PGBD5: variants seen among roughly 807,000 people sequenced by gnomAD.
PGBD5 encodes piggyBac transposable element-derived protein 5.
PGBD5 carries 14 observed loss-of-function variants against 47.9 expected under a neutral mutation model. That is an observed-to-expected ratio of 0.29 (90% CI 0.19 to 0.46). PGBD5 has a LOEUF of 0.46. Among genes scored for constraint, PGBD5 ranks in the 20% least tolerant of loss-of-function variants. PGBD5 has a pLI of 1.00. For missense variants in PGBD5, 635 were observed against 716.0 expected, an observed-to-expected ratio of 0.89 and a Z score of 1.29; for synonymous variants, 316 against 306.3, an observed-to-expected ratio of 1.03 and a Z score of -0.33.
chr1:230,343,561 T>C (rs1341850276), intron 3 of PGBD5, among the ~76,000 whole-genome samples: 1 of 152,184 alleles, frequency 6.6e-6, no homozygotes, highest in Non-Finnish European at 1.5e-5. Flanking sequence ...CCTCAGCCAA[T>C]CCCATCCTCA....
intron 5 of PGBD5, among the ~76,000 whole-genome samples, chr1:230,327,382 A>G (rs12141113): frequency 0.035 from 5,310 of 152,230 alleles, 119 homozygotes; most frequent in South Asian, 0.067. Flanking sequence ...GTGGCTGAGG[A>G]GACCAGGGTC....
At chr1:230,334,294 A>AT (rs565961892) in intron 4 of PGBD5, among the ~76,000 whole-genome samples, 132 of 152,262 alleles carry the variant, frequency 8.7e-4, no homozygotes, top group Non-Finnish European at 1.4e-3. Flanking sequence ...TCATCTAGAG[A>AT]TGTAAAAAGG....
intron 5 of PGBD5, among the ~76,000 whole-genome samples, chr1:230,330,939 G>A (rs1667203692): frequency 6.6e-6 from 1 of 152,104 alleles, no homozygotes; most frequent in African/African-American, 2.4e-5. Context: ...TGCTCCTTTG[G>A]TGTCTGCTTT....
intron 1 of PGBD5, among the ~76,000 whole-genome samples, chr1:230,401,909 G>C (rs975669424): frequency 4.6e-5 from 7 of 152,196 alleles, no homozygotes; most frequent in Non-Finnish European, 1.0e-4. Flanking sequence ...GGAGAGGCAA[G>C]GCTGCTGGCC....
At chr1:230,381,583 TAGC>T (rs1656495099) in intron 1 of PGBD5, among the ~76,000 whole-genome samples, 1 of 152,248 alleles carries the variant, frequency 6.6e-6, no homozygotes, top group Non-Finnish European at 1.5e-5. Context: ...CCCAGGCACT[TAGC>T]AGTGGGATGA....
rs1055699355 is a variant in PGBD5 at position 230,332,185 on chromosome 1, C to T, written c.1273+659G>A. 2.4e-4 allele frequency among the ~76,000 whole-genome samples: 36 copies of T among 152,198 alleles called. 1 individual carries two copies. Among genetic ancestry groups the T allele is most frequent in the Admixed American group, 6.5e-5 (1 of 15,288 alleles). ...AGAGGCCTTTGTTTTCTACCTCATT[C>T]GTCGTCATTTGTCTTGAGGAAAGCC... is the stretch of plus-strand genomic sequence containing the variant. On this transcript the variant is annotated intron_variant, in intron 5 of 6. Coordinates refer to ENST00000391860, the MANE Select transcript of PGBD5 (RefSeq NM_001258311.2).
At chr1:230,397,941 C>G (rs1210458915) in intron 1 of PGBD5, among the ~76,000 whole-genome samples, 2 of 152,246 alleles carry the variant, frequency 1.3e-5, no homozygotes, top group Admixed American at 1.3e-4. Flanking sequence ...AAGCTATCAC[C>G]ACCCAACTGG....
At chr1:230,364,628 T>C (rs1667798298) in intron 1 of PGBD5, among the ~76,000 whole-genome samples, 3 of 132,998 alleles carry the variant, frequency 2.3e-5, no homozygotes, top group Non-Finnish European at 5.2e-5. Context: ...GCAAAGAAGT[T>C]AGCAATAAAA....
chr1:230,367,013 T>C (rs1364513773), intron 1 of PGBD5, among the ~76,000 whole-genome samples: 1 of 151,914 alleles, frequency 6.6e-6, no homozygotes, highest in East Asian at 1.9e-4. Context: ...AGGAGGAAGG[T>C]GGGGGTGAGG....
intron 1 of PGBD5, among the ~76,000 whole-genome samples, chr1:230,361,274 G>C (rs1163684907): frequency 1.3e-5 from 2 of 152,144 alleles, no homozygotes; most frequent in Admixed American, 1.3e-4. Context: ...AACCTATGTG[G>C]GTTTAAAAAA....
At chr1:230,422,132 C>T (rs1235809272) in intron 1 of PGBD5, among the ~76,000 whole-genome samples, 1 of 151,542 alleles carries the variant, frequency 6.6e-6, no homozygotes, top group African/African-American at 2.4e-5. Flanking sequence ...ATATATTTTT[C>T]CCTCTCTCTC....
chr1:230,351,272 A>G (rs542590508), intron 2 of PGBD5, among the ~76,000 whole-genome samples, 180 bp from the exon 3 acceptor site: 1 of 152,250 alleles, frequency 6.6e-6, no homozygotes, highest in Non-Finnish European at 1.5e-5. Flanking sequence ...TATCTATACT[A>G]CTGTTTCCAG....
At position 230,357,699 on chromosome 1, in the gene PGBD5, G is replaced by A. The variant is rs41494754; in HGVS notation, c.332-378C>T. 0.027 allele frequency among the ~76,000 whole-genome samples: 4,171 copies of A among 152,276 alleles called. 133 individuals carry two copies. Among genetic ancestry groups the A allele is most frequent in the African/African-American group, 0.082 (3,420 of 41,542 alleles). ...GTGGAATCCCTGCTCTCCAGAACCC[G>A]TGTGGCACAGGGTGTCGGTCTAGGG... On this transcript the variant is annotated intron_variant, in intron 1 of 6. Transcript: ENST00000391860. This position sits in a 1 kb window ranked among gnomAD's most constrained non-coding sequence, Gnocchi z 5.7.
At chr1:230,356,847 A>C in intron 2 of PGBD5, 47 bp downstream of exon 2, 1 of 1,575,270 alleles carries the variant, frequency 6.3e-7, no homozygotes, top group Non-Finnish European at 8.6e-7. Context: ...CTAGGCCGAG[A>C]GAGCGAGGAC....
rs773136056 is a variant in PGBD5 at position 230,357,269 on chromosome 1, G to A, written c.384C>T (p.Leu128=). The change falls in exon 2 of 7, where the codon CTC becomes CTT. Residue 128 remains leucine, a synonymous_variant. Transcript: ENST00000391860. The surrounding 1 kb of genome is among the most constrained non-coding windows in gnomAD (Gnocchi z 5.7). ...PSASAVDFFQ[L]FVPDNVLKNM... The stretch of plus-strand genomic sequence containing the variant: ...TCTTGAGGACGTTGTCTGGGACAAA[G>A]AGCTGGAAGAAGTCCACGGCACTGG... 3.7e-6 allele frequency: 6 copies of A among 1,614,140 alleles called. No homozygotes were observed. In the South Asian group the frequency reaches 4.4e-5, roughly 12 times the overall value.
intron 3 of PGBD5, among the ~76,000 whole-genome samples, chr1:230,338,399 C>T (rs1458159766): frequency 6.6e-6 from 1 of 152,210 alleles, no homozygotes; most frequent in African/African-American, 2.4e-5. Flanking sequence ...TTCCTTACGG[C>T]TGCAGGACTG....
At chr1:230,365,865 A>T (rs2102713094) in intron 1 of PGBD5, among the ~76,000 whole-genome samples, 1 of 152,394 alleles carries the variant, frequency 6.6e-6, no homozygotes, top group South Asian at 2.1e-4. Context: ...GGCAGAGATC[A>T]GGTCATGTAT....
At chr1:230,325,095 G>T (rs1558189536) in intron 6 of PGBD5, among the ~76,000 whole-genome samples, 1 of 152,194 alleles carries the variant, frequency 6.6e-6, no homozygotes, top group African/African-American at 2.4e-5. Context: ...TGGGAGAGTG[G>T]AGGACACAGA....
chr1:230,422,519 GCAGATCATGCATCTCCA>G (rs1571868406), intron 1 of PGBD5, among the ~76,000 whole-genome samples: 1 of 152,166 alleles, frequency 6.6e-6, no homozygotes, highest in East Asian at 1.9e-4. Context: ...CAGCTCCCAG[GCAGATCATGCATCTCCA>G]CAGGGGTTAA....
Sources: gnomAD v4.1 joint callset for allele counts (sites outside exome capture counted in the v4.1 genomes callset) on GRCh38, gnomAD v4.1.1 for gene constraint, Gnocchi (gnomAD v3.1) non-coding constraint, MANE v1.5 for transcripts, NCBI Gene and HGNC (gene_info 2026-07-23, HGNC 2026-07-21) for gene names.